The following PTPRQ variants were observed in gnomAD, a reference collection of about 807,000 sequenced individuals.
PTPRQ encodes the protein protein tyrosine phosphatase receptor type Q.
Under a neutral mutation model 246.0 loss-of-function variants are expected in PTPRQ, and 199 were observed. That is an observed-to-expected ratio of 0.81 (90% CI 0.72 to 0.91). The LOEUF (loss-of-function observed/expected upper bound fraction) is 0.91. Among genes scored for constraint, PTPRQ ranks in the 40% least tolerant of loss-of-function variants. The pLI is 0.00. For missense variants in PTPRQ, 2,624 were observed against 2,528.4 expected (o/e 1.04, Z -0.81); for synonymous variants, 869 against 853.2 (o/e 1.02, Z -0.32).
At chr12:80,592,877 G>C (rs1897847243) in intron 26 of PTPRQ, among the ~76,000 whole-genome samples, 1 of 152,038 alleles carries the variant, frequency 6.6e-6, no homozygotes, top group Non-Finnish European at 1.5e-5. Flanking sequence ...CGAACATGGT[G>C]GTGGGCACCT....
chr12:80,482,663 T>C (rs1894112054), intron 8 of PTPRQ, among the ~76,000 whole-genome samples: 1 of 151,172 alleles, frequency 6.6e-6, no homozygotes, highest in Non-Finnish European at 1.5e-5. Context: ...TGCAATGAAC[T>C]CAAACAAATT....
At chr12:80,585,664 TTC>T (rs2121008661) in intron 25 of PTPRQ, among the ~76,000 whole-genome samples, 1 of 152,272 alleles carries the variant, frequency 6.6e-6, no homozygotes, top group African/African-American at 2.4e-5. Flanking sequence ...TGCTTCAAAT[TTC>T]TCTTTCTGAA....
At chr12:80,512,710 T>C (rs1895158324) in intron 17 of PTPRQ, 1 of 152,220 alleles carries the variant, frequency 6.6e-6, no homozygotes, top group Non-Finnish European at 1.5e-5. Flanking sequence ...TCATTCCCTC[T>C]GGGTTTAATT....
At chr12:80,523,296 G>C (rs566828410) in intron 17 of PTPRQ, among the ~76,000 whole-genome samples, 19 of 151,938 alleles carry the variant, frequency 1.3e-4, no homozygotes, top group African/African-American at 4.3e-4. Flanking sequence ...CAATTTTGTT[G>C]ATCTTTTCAA....
intron 35 of PTPRQ, among the ~76,000 whole-genome samples, chr12:80,645,025 T>TA: frequency 6.6e-6 from 1 of 152,040 alleles, no homozygotes; most frequent in Non-Finnish European, 1.5e-5. Context: ...GAAAATTACA[T>TA]AAAAACTGGA....
intron 38 of PTPRQ, among the ~76,000 whole-genome samples, chr12:80,656,195 A>G (rs934510492): frequency 1.3e-5 from 2 of 152,206 alleles, no homozygotes; most frequent in Non-Finnish European, 2.9e-5. Context: ...ATTTCTAAAC[A>G]TAACCACATT....
At position 80,527,890 on chromosome 12, in the gene PTPRQ, T is replaced by C. The variant is rs111545412; in HGVS notation, c.2679-6125T>C. The stretch of plus-strand genomic sequence containing the variant: ...GGGCAGATGGCTTGAACCCAGGAGT[T>C]TGCGATCAGCCTGGGCACCATGGTG... On this transcript the variant is annotated intron_variant, in intron 17 of 44. Transcript: ENST00000644991. Among the ~76,000 whole-genome samples the C allele has an allele frequency of 5.3e-5, 8 of 152,184 alleles. 1 individual carries two copies. The highest frequency in any genetic ancestry group is 1.9e-4 in the African/African-American group (8 of 41,530).
chr12:80,566,270 G>A (rs1896975875), intron 25 of PTPRQ, among the ~76,000 whole-genome samples: 1 of 152,088 alleles, frequency 6.6e-6, no homozygotes, highest in African/African-American at 2.4e-5. Context: ...TTGAAGTCAG[G>A]AGTTCGAGAT....
At chr12:80,626,038 A>G (rs975302526) in intron 33 of PTPRQ, among the ~76,000 whole-genome samples, 3 of 152,120 alleles carry the variant, frequency 2.0e-5, no homozygotes, top group African/African-American at 7.2e-5. Context: ...TGGCAAAGGC[A>G]CTCTGTGATT....
intron 39 of PTPRQ, among the ~76,000 whole-genome samples, chr12:80,665,854 A>G (rs1312927010): frequency 6.6e-6 from 1 of 152,086 alleles, no homozygotes; most frequent in African/African-American, 2.4e-5. Flanking sequence ...GCTCAACATC[A>G]CTAATCATCA....
chr12:80,548,704 C>T (rs1306387174), intron 24 of PTPRQ, among the ~76,000 whole-genome samples: 1 of 151,988 alleles, frequency 6.6e-6, no homozygotes, highest in African/African-American at 2.4e-5. Context: ...TTACTGTGAC[C>T]AGAAAAGTTA....
At chr12:80,450,741 G>C (rs1207245468) in intron 3 of PTPRQ, among the ~76,000 whole-genome samples, 4 of 152,166 alleles carry the variant, frequency 2.6e-5, no homozygotes, top group African/African-American at 9.7e-5. Context: ...CTTGATCATT[G>C]TGGATAAGCT....
At chr12:80,490,832 T>G (rs1318455517) in intron 9 of PTPRQ, among the ~76,000 whole-genome samples, 1 of 152,100 alleles carries the variant, frequency 6.6e-6, no homozygotes, top group East Asian at 1.9e-4. Flanking sequence ...ACTACTCTCT[T>G]AAGTCCAAAT....
chr12:80,613,818 A>G lies in PTPRQ; in HGVS notation c.5145A>G (p.Gly1715=). The change falls in exon 29 of 45, where the codon GGA becomes GGG. Residue 1715 remains glycine (G), a synonymous_variant. Transcript: ENST00000644991. The stretch of plus-strand genomic sequence containing the variant: ...CAATGCTAGAAGGACTAAAAGGTGG[A>G]CATACATACAATATCAGTGTAAGAA... The part of the protein sequence containing the change: ...VIAMLEGLKG[G]HTYNISVYAV... 2 of 1,536,198 alleles carry G rather than the reference A, an allele frequency of 1.3e-6. No homozygotes were observed. The highest frequency in any genetic ancestry group is 1.8e-6 in the Non-Finnish European group (2 of 1,138,806).
intron 9 of PTPRQ, among the ~76,000 whole-genome samples, chr12:80,487,818 T>C (rs1172740885): frequency 6.6e-6 from 1 of 152,074 alleles, no homozygotes; most frequent in Non-Finnish European, 1.5e-5. Flanking sequence ...TCCATAACAA[T>C]TTTCCACAAA....
At chr12:80,462,029 G>A (rs1470696592) in intron 6 of PTPRQ, 2 of 701,410 alleles carry the variant, frequency 2.9e-6, no homozygotes, top group Admixed American at 4.0e-5. Flanking sequence ...AGTGCGTGCA[G>A]TGCGCCGTGA....
intron 7 of PTPRQ, 85 bp downstream of exon 7, chr12:80,468,923 C>T: frequency 6.8e-7 from 1 of 1,474,048 alleles, no homozygotes; most frequent in Non-Finnish European, 9.0e-7. Context: ...TTAAAAGTAT[C>T]AGACTCTTTT....
Position 80,542,897 on chromosome 12 carries a change from C to T in PTPRQ, c.3873+16C>T, listed in dbSNP as rs1896197230. On this transcript the variant is annotated intron_variant, in intron 23 of 44. Transcript: ENST00000644991. ...ATATTATAAGGTAGGTTGATTATAA[C>T]AGTATATGTTTATTTTTAAAAATCA... 7.3e-7 allele frequency: 1 copy of T among 1,362,292 alleles called. No homozygotes were observed. Among genetic ancestry groups the T allele is most frequent in the Non-Finnish European group, 9.7e-7 (1 of 1,031,310 alleles). 84.4% of individuals were successfully genotyped at this position (1,362,292 alleles called of 1,614,324 possible).
intron 3 of PTPRQ, among the ~76,000 whole-genome samples, chr12:80,455,759 T>G (rs1027345692): frequency 2.3e-5 from 3 of 131,804 alleles, no homozygotes; most frequent in Admixed American, 2.2e-4. Context: ...CCCGGCTAAT[T>G]TTTTCGTATT....
Sources: allele counts gnomAD v4.1 joint callset (sites outside exome capture counted in the v4.1 genomes callset), GRCh38; gene constraint gnomAD v4.1.1; transcripts MANE v1.5; gene names NCBI Gene and HGNC (gene_info 2026-07-23, HGNC 2026-07-21).